The following PHYHIPL variants were observed in gnomAD, a reference collection of about 807,000 sequenced individuals.
PHYHIPL encodes phytanoyl-CoA 2-hydroxylase interacting protein like.
Under a neutral mutation model 33.4 loss-of-function variants are expected in PHYHIPL, and 9 were observed. That is an observed-to-expected ratio of 0.27 (90% CI 0.16 to 0.47). The LOEUF is 0.47. Ranked by LOEUF, PHYHIPL falls within the 20% of genes least tolerant of loss-of-function variation. The pLI, the probability that PHYHIPL is intolerant of heterozygous loss-of-function variation, is 0.99. For synonymous variants in PHYHIPL, 153 were observed against 154.1 expected (o/e 0.99, Z 0.05); for missense variants, 365 against 460.7 (o/e 0.79, Z 1.90).
At chr10:59,177,651 T>C in intron 1 of PHYHIPL, 1 of 1,550,884 alleles carries the variant, frequency 6.4e-7, no homozygotes, top group Non-Finnish European at 8.7e-7. Flanking sequence ...ATTATATCGT[T>C]TATTCTGTTG....
intron 1 of PHYHIPL, chr10:59,177,260 C>G: frequency 3.4e-6 from 2 of 595,034 alleles, no homozygotes; most frequent in Non-Finnish European, 5.7e-6. Flanking sequence ...CCTGCCCCGA[C>G]GAGGCGTTTC....
At chr10:59,230,326 A>C (rs1840043807) in intron 1 of PHYHIPL, among the ~76,000 whole-genome samples, 1 of 144,570 alleles carries the variant, frequency 6.9e-6, no homozygotes, top group Non-Finnish European at 1.5e-5. Flanking sequence ...TGATTCTCCC[A>C]CCTCAGCCTC....
Position 59,246,005 on chromosome 10 carries a change from G to A in PHYHIPL, c.*414G>A, listed in dbSNP as rs575356985. 6.4e-6 allele frequency: 1 copy of A among 157,208 alleles called. No homozygotes were observed. Among genetic ancestry groups the A allele is most frequent in the African/African-American group, 2.4e-5 (1 of 41,742 alleles). 9.7% of individuals were successfully genotyped at this position (157,208 alleles called of 1,614,324 possible). A position where few individuals can be genotyped will look rare whatever the true frequency, so the allele number is the denominator to read the frequency against. On this transcript the variant is annotated 3_prime_UTR_variant, in exon 5 of 5. Transcript: ENST00000373880. The stretch of plus-strand genomic sequence containing the variant: ...ATAACTCCAAACCGCATGAAAGGGT[G>A]TAATTGCAGCATGAGTTAAATCTTG...
intron 1 of PHYHIPL, chr10:59,206,824 T>C: frequency 1.7e-6 from 2 of 1,198,284 alleles, no homozygotes; most frequent in Non-Finnish European, 2.1e-6. Flanking sequence ...TGGCAAGTTA[T>C]TACATTTTAA....
chr10:59,238,768 G>T, intron 4 of PHYHIPL, 63 bp downstream of exon 4: 2 of 1,078,290 alleles, frequency 1.9e-6, no homozygotes, highest in African/African-American at 1.6e-5. Context: ...CTAGGCTCAG[G>T]TTTCCCTTGA....
rs1247462262 is a variant in PHYHIPL, at chr10:59,210,123, A to G, written c.107-24181A>G. ...GAGCTTCTGCACAGCAAAAGAAACT[A>G]TCATCAGAGTGAACAGGCAACCTAC... is the stretch of plus-strand genomic sequence containing the variant. On this transcript the variant is annotated intron_variant, in intron 1 of 4. Transcript: ENST00000373880. Among the ~76,000 whole-genome samples, 5 of 152,192 alleles carry G rather than the reference A, an allele frequency of 3.3e-5. No individual in the cohort carries two copies. In the East Asian group the frequency reaches 7.7e-4, roughly 23 times the overall value.
intron 1 of PHYHIPL, among the ~76,000 whole-genome samples, chr10:59,220,347 G>A (rs1839734590): frequency 6.6e-6 from 1 of 152,024 alleles, no homozygotes; most frequent in South Asian, 2.1e-4. Context: ...GTAAGCCTGT[G>A]TTACATGTCG....
At chr10:59,222,508 G>T (rs149720306) in intron 1 of PHYHIPL, among the ~76,000 whole-genome samples, 101 of 152,114 alleles carry the variant, frequency 6.6e-4, no homozygotes, top group African/African-American at 2.3e-3. Context: ...CAGGAAATTA[G>T]ATGTGATCTG....
chr10:59,188,852 A>ATG (rs1260682602), intron 1 of PHYHIPL, among the ~76,000 whole-genome samples: 1 of 151,944 alleles, frequency 6.6e-6, no homozygotes, highest in Non-Finnish European at 1.5e-5. Flanking sequence ...TTTTGAGCCT[A>ATG]TGTGTGTCTC....
chr10:59,234,788 C>T (rs146473184), intron 2 of PHYHIPL, among the ~76,000 whole-genome samples: 14 of 151,598 alleles, frequency 9.2e-5, no homozygotes, highest in African/African-American at 2.2e-4. Flanking sequence ...AACTTATTAA[C>T]GAGGAAACCG....
intron 1 of PHYHIPL, among the ~76,000 whole-genome samples, chr10:59,183,276 G>T (rs987189682): frequency 2.2e-4 from 33 of 152,122 alleles, no homozygotes; most frequent in African/African-American, 6.0e-4. Context: ...AGCTATCTCC[G>T]TAAAGAGATT....
intron 1 of PHYHIPL, among the ~76,000 whole-genome samples, chr10:59,228,376 T>TA (rs1324149492): frequency 6.6e-6 from 1 of 152,192 alleles, no homozygotes; most frequent in Non-Finnish European, 1.5e-5. Context: ...ATGTTACCAC[T>TA]AAGAGTATTT....
chr10:59,242,237 C>T (rs1442833972), intron 4 of PHYHIPL, among the ~76,000 whole-genome samples: 1 of 152,012 alleles, frequency 6.6e-6, no homozygotes, highest in East Asian at 1.9e-4. Context: ...AATGAGACAC[C>T]CCTTCTCTCT....
chr10:59,180,338 A>AGAAAAAG (rs1357079609), intron 1 of PHYHIPL, among the ~76,000 whole-genome samples: 6 of 77,522 alleles, frequency 7.7e-5, no homozygotes, highest in African/African-American at 2.0e-4. Context: ...ATATATATAT[A>AGAAAAAG]TATATATATA....
chr10:59,187,579 C>T (rs531675221), intron 1 of PHYHIPL, among the ~76,000 whole-genome samples: 27 of 152,004 alleles, frequency 1.8e-4, no homozygotes, highest in African/African-American at 4.6e-4. Flanking sequence ...AATTTGGCTG[C>T]GAATCCATCT....
Position 59,227,975 on chromosome 10 carries a change from G to GATATATATATATATATATATATAT in PHYHIPL, c.107-6317_107-6316insATATATATATATATATATATATAT, listed in dbSNP as rs1554799094. 9.7e-3 allele frequency among the ~76,000 whole-genome samples: 1,414 copies of GATATATATATATATATATATATAT among 145,368 alleles called. 25 individuals are homozygous for GATATATATATATATATATATATAT. Among genetic ancestry groups the GATATATATATATATATATATATAT allele is most frequent in the African/African-American group, 0.027 (1,024 of 37,526 alleles). On this transcript the variant is annotated intron_variant, in intron 1 of 4. Coordinates refer to ENST00000373880, the MANE Select transcript of PHYHIPL (RefSeq NM_032439.4). ...TAAGATTTTAATTTTTGCCTATTGA[G>GATATATATATATATATATATATAT]ATATATATATATGTTTTAAATAACA...
At chr10:59,229,003 G>C (rs1840004082) in intron 1 of PHYHIPL, among the ~76,000 whole-genome samples, 1 of 152,122 alleles carries the variant, frequency 6.6e-6, no homozygotes, top group African/African-American at 2.4e-5. Context: ...AAACAAGGAA[G>C]ACTTCAATAA....
chr10:59,198,950 A>G (rs1335576025), intron 1 of PHYHIPL, among the ~76,000 whole-genome samples: 1 of 152,034 alleles, frequency 6.6e-6, no homozygotes, highest in Non-Finnish European at 1.5e-5. Context: ...TAGATTCTAG[A>G]TATTAGCCCT....
upstream of PHYHIPL, chr10:59,176,624 G>C (rs1429732081): frequency 1.4e-5 from 5 of 367,058 alleles, no homozygotes; most frequent in Non-Finnish European, 2.4e-5. Context: ...TCCTCGCGCC[G>C]GGTCCTGCTC....
Sources: gnomAD v4.1 joint callset for allele counts (sites outside exome capture counted in the v4.1 genomes callset) on GRCh38, gnomAD v4.1.1 for gene constraint, MANE v1.5 for transcripts, NCBI Gene and HGNC (gene_info 2026-07-23, HGNC 2026-07-21) for gene names.